NEO1: variants seen among roughly 807,000 people sequenced by gnomAD.
NEO1 encodes neogenin 1.
Under a neutral mutation model 159.7 loss-of-function variants are expected in NEO1, and 63 were observed. That is an observed-to-expected ratio of 0.39 (90% confidence interval 0.32 to 0.49). The LOEUF is 0.49. Ranked by LOEUF, NEO1 falls within the 20% of genes least tolerant of loss-of-function variation. The pLI is 0.85. For synonymous variants in NEO1, 633 were observed against 662.0 expected (o/e 0.96, Z 0.67); for missense variants, 1,615 against 1,831.0 (o/e 0.88, Z 2.15).
chr15:73,182,060 C>T (rs1237979206), intron 7 of NEO1, among the ~76,000 whole-genome samples: 1 of 151,510 alleles, frequency 6.6e-6, no homozygotes, highest in African/African-American at 2.4e-5. Context: ...GAGCGAGTCA[C>T]ATCTTATATG....
intron 16 of NEO1, among the ~76,000 whole-genome samples, chr15:73,268,652 C>T (rs1329238672): frequency 6.6e-6 from 1 of 152,170 alleles, no homozygotes; most frequent in Non-Finnish European, 1.5e-5. Flanking sequence ...AAGGGCTAGT[C>T]ACCATGACTA....
rs145490835 is a variant in NEO1 at position 73,141,715 on chromosome 15, A to T, written c.1015+5688A>T. On this transcript the variant is annotated intron_variant, in intron 5 of 28. Coordinates refer to ENST00000261908, the MANE Select transcript of NEO1 (RefSeq NM_002499.4). ...TCTACTTCTTTGACTCTTCTGCTCT[A>T]CTCTTATCCCTGGCCACATTAAGAC... 4.3e-4 allele frequency among the ~76,000 whole-genome samples: 65 copies of T among 151,984 alleles called. 1 individual carries two copies. The East Asian group carries it at 8.3e-3, about 19-fold the overall frequency.
chr15:73,083,853 T>C (rs2069205374), intron 1 of NEO1, among the ~76,000 whole-genome samples: 1 of 152,270 alleles, frequency 6.6e-6, no homozygotes, highest in African/African-American at 2.4e-5. Flanking sequence ...GATAAACTTT[T>C]TTAATCCTCC....
At chr15:73,256,576 T>G (rs1228779403) in intron 13 of NEO1, among the ~76,000 whole-genome samples, 4 of 152,200 alleles carry the variant, frequency 2.6e-5, no homozygotes, top group Admixed American at 2.6e-4. Context: ...AGTGAAAAAC[T>G]GTGCTCTAGT....
chr15:73,188,688 T>C (rs796963979), intron 7 of NEO1, among the ~76,000 whole-genome samples: 31 of 152,344 alleles, frequency 2.0e-4, no homozygotes, highest in African/African-American at 6.7e-4. Flanking sequence ...ATTTATGTAA[T>C]TGTCAAAATG....
At chr15:73,129,779 A>G (rs747403625) in intron 4 of NEO1, among the ~76,000 whole-genome samples, 1 of 152,252 alleles carries the variant, frequency 6.6e-6, no homozygotes, top group Admixed American at 6.5e-5. Flanking sequence ...AATTGACAGT[A>G]GTAGAAAAAT....
intron 5 of NEO1, among the ~76,000 whole-genome samples, chr15:73,148,604 T>C (rs2033116913): frequency 6.6e-6 from 1 of 152,220 alleles, no homozygotes; most frequent in Non-Finnish European, 1.5e-5. Context: ...CACACAGGAA[T>C]GGGGTCTTAC....
chr15:73,166,934 A>G (rs1481269716), intron 5 of NEO1, among the ~76,000 whole-genome samples: 1 of 152,042 alleles, frequency 6.6e-6, no homozygotes, highest in East Asian at 1.9e-4. Context: ...ACCATGGAAT[A>G]CTATGCAGCC....
chr15:73,051,970 T>G (rs937350706), upstream of NEO1: 17 of 151,852 alleles, frequency 1.1e-4, 1 homozygote, highest in African/African-American at 2.9e-4. Flanking sequence ...CTCAGGTCTC[T>G]GCAGCCAGAG....
At chr15:73,263,015 A>G (rs2040696580) in intron 15 of NEO1, among the ~76,000 whole-genome samples, 1 of 152,130 alleles carries the variant, frequency 6.6e-6, no homozygotes, top group African/African-American at 2.4e-5. Flanking sequence ...GGTTGCCTGG[A>G]ACCAGGGGTG....
At chr15:73,191,311 A>G (rs137987795) in intron 7 of NEO1, among the ~76,000 whole-genome samples, 1 of 152,260 alleles carries the variant, frequency 6.6e-6, no homozygotes, top group East Asian at 1.9e-4. Flanking sequence ...TAAATTGTTA[A>G]GTACTCTGTA....
chr15:73,264,807 C>A (rs759829826), intron 15 of NEO1, among the ~76,000 whole-genome samples: 32 of 152,196 alleles, frequency 2.1e-4, no homozygotes, highest in Non-Finnish European at 4.4e-4. Flanking sequence ...TCCCTCAAAC[C>A]TGTTGATCAA....
chr15:73,078,237 G>T (rs2068869923), intron 1 of NEO1, among the ~76,000 whole-genome samples: 1 of 152,086 alleles, frequency 6.6e-6, no homozygotes, highest in South Asian at 2.1e-4. Flanking sequence ...TTTATATTAG[G>T]GGAGGGGAAA....
intron 4 of NEO1, among the ~76,000 whole-genome samples, chr15:73,131,607 C>T (rs901821750): frequency 2.6e-5 from 4 of 152,250 alleles, no homozygotes; most frequent in Non-Finnish European, 5.9e-5. Flanking sequence ...GTGCAGTGGC[C>T]TCCTAATTGT....
intron 26 of NEO1, among the ~76,000 whole-genome samples, chr15:73,296,457 G>T (rs2042373190): frequency 6.6e-6 from 1 of 152,120 alleles, no homozygotes; most frequent in Non-Finnish European, 1.5e-5. Context: ...GGCCAACATA[G>T]TTAGGCACAC....
chr15:73,228,289 A>G (rs1457494937), intron 7 of NEO1, among the ~76,000 whole-genome samples: 1 of 152,126 alleles, frequency 6.6e-6, no homozygotes, highest in Admixed American at 6.5e-5. Flanking sequence ...CCACCAGAGT[A>G]GTTATCTCAT....
intron 1 of NEO1, among the ~76,000 whole-genome samples, chr15:73,091,422 A>G (rs893634936): frequency 6.6e-5 from 10 of 152,200 alleles, no homozygotes; most frequent in African/African-American, 2.2e-4. Context: ...TTAAAGATAC[A>G]TTATTCCAGA....
intron 5 of NEO1, among the ~76,000 whole-genome samples, chr15:73,144,130 T>C (rs2032674445): frequency 6.6e-6 from 1 of 152,218 alleles, no homozygotes; most frequent in African/African-American, 2.4e-5. Context: ...AGACTTCTAA[T>C]GTAAAAGAAA....
At chr15:73,276,396 CTG>C (rs2041426184) in intron 21 of NEO1, among the ~76,000 whole-genome samples, 1 of 152,202 alleles carries the variant, frequency 6.6e-6, no homozygotes, top group African/African-American at 2.4e-5. Context: ...ACACTTAAAC[CTG>C]AAGAGCCTTG....
Sources: gnomAD v4.1 joint callset for allele counts (sites outside exome capture counted in the v4.1 genomes callset) on GRCh38, gnomAD v4.1.1 for gene constraint, MANE v1.5 for transcripts, NCBI Gene and HGNC (gene_info 2026-07-23, HGNC 2026-07-21) for gene names.